The following SPECC1 variants were observed in gnomAD, a reference collection of about 807,000 sequenced individuals.
SPECC1 encodes sperm antigen with calponin homology and coiled-coil domains 1.
SPECC1 carries 62 observed loss-of-function variants against 104.1 expected under a neutral mutation model. That is an observed-to-expected ratio of 0.60 (90% confidence interval 0.49 to 0.74). SPECC1 has a LOEUF of 0.74. Among genes scored for constraint, SPECC1 ranks in the 30% least tolerant of loss-of-function variants. The pLI, the probability that SPECC1 is intolerant of heterozygous loss-of-function variation, is 0.00. For missense variants in SPECC1, 1,306 were observed against 1,310.5 expected, an observed-to-expected ratio of 1.00 and a Z score of 0.05; for synonymous variants, 513 against 501.6, an observed-to-expected ratio of 1.02 and a Z score of -0.30.
chr17:20,161,294 G>A (rs939778199), intron 3 of SPECC1, among the ~76,000 whole-genome samples: 3 of 152,152 alleles, frequency 2.0e-5, no homozygotes, highest in African/African-American at 7.2e-5. Context: ...TAGTGTCCTA[G>A]GCTTCGTCAC....
intron 3 of SPECC1, among the ~76,000 whole-genome samples, chr17:20,134,430 C>T (rs898944973): frequency 4.6e-5 from 7 of 151,842 alleles, no homozygotes; most frequent in Non-Finnish European, 8.8e-5. Flanking sequence ...TTTCACTGCC[C>T]CATACTCAGC....
At chr17:20,111,809 G>A (rs56266311) in intron 3 of SPECC1, 10 of 699,864 alleles carry the variant, frequency 1.4e-5, no homozygotes, top group African/African-American at 4.1e-5. Flanking sequence ...CAGGACCCAG[G>A]GGGGGGGCAG....
intron 1 of SPECC1, among the ~76,000 whole-genome samples, chr17:20,033,703 C>G (rs1567803834): frequency 6.6e-6 from 1 of 152,122 alleles, no homozygotes; most frequent in African/African-American, 2.4e-5. Flanking sequence ...AAGAATGGCA[C>G]CAAACCATTC....
intron 3 of SPECC1, among the ~76,000 whole-genome samples, chr17:20,197,553 C>T (rs939094084): frequency 1.6e-4 from 25 of 152,186 alleles, no homozygotes; most frequent in Non-Finnish European, 2.9e-5. Flanking sequence ...TAATTTTGAG[C>T]TTGCAAAGGC....
Position 20,249,548 on chromosome 17 carries a change from C to A in SPECC1, c.2598+2229C>A, listed in dbSNP as rs865800971. Among the ~76,000 whole-genome samples, 6 of 151,954 alleles carry A rather than the reference C, an allele frequency of 3.9e-5. No homozygotes were observed. The South Asian group carries it at 1.2e-3, about 31-fold the overall frequency. Reference sequence around the variant, plus strand: ...AGATATTGATATTATTAGACATAGACCCTAAAACAACTGAGATTAATGCTG... The same window carrying A: ...AGATATTGATATTATTAGACATAGAACCTAAAACAACTGAGATTAATGCTG... On this transcript the variant is annotated intron_variant, in intron 9 of 14. Coordinates refer to ENST00000395527, the MANE Select transcript of SPECC1 (RefSeq NM_001243439.2).
chr17:20,246,214 C>T, intron 8 of SPECC1, 143 bp downstream of exon 8: 1 of 940,482 alleles, frequency 1.1e-6, no homozygotes, highest in Non-Finnish European at 1.6e-6. Flanking sequence ...CGTGCAGCCA[C>T]TGCATGCAGG....
At chr17:20,186,069 C>T (rs1444843678) in intron 3 of SPECC1, among the ~76,000 whole-genome samples, 1 of 152,154 alleles carries the variant, frequency 6.6e-6, no homozygotes, top group Non-Finnish European at 1.5e-5. Flanking sequence ...AACTCCTGAC[C>T]TCAGGTGATC....
chr17:20,143,042 T>C (rs867810820), intron 3 of SPECC1, among the ~76,000 whole-genome samples: 38 of 151,886 alleles, frequency 2.5e-4, no homozygotes, highest in African/African-American at 9.2e-4. Flanking sequence ...ATGTTACATA[T>C]ATTTTACCAC....
At chr17:20,081,937 G>A (rs539676643) in intron 1 of SPECC1, among the ~76,000 whole-genome samples, 8 of 152,234 alleles carry the variant, frequency 5.3e-5, no homozygotes, top group East Asian at 1.9e-4. Context: ...CTGGCTGGCC[G>A]TTCAGACTCC....
intron 12 of SPECC1, among the ~76,000 whole-genome samples, chr17:20,276,224 C>T (rs1196107129): frequency 1.3e-5 from 2 of 152,092 alleles, no homozygotes; most frequent in African/African-American, 4.8e-5. Flanking sequence ...TCAAGCAATC[C>T]TCTTTTCTTA....
In SPECC1 at chr17:20,257,583, C is replaced by T. The variant is rs1326484428; in HGVS notation, c.2813C>T (p.Ala938Val). 6.2e-7 allele frequency: 1 copy of T among 1,612,532 alleles called. No individual in the cohort carries two copies. Among genetic ancestry groups the T allele is most frequent in the African/African-American group, 1.3e-5 (1 of 74,718 alleles). The change falls in exon 11 of 15, where the codon GCA becomes GTA. Residue 938 changes from alanine (A) to valine (V), a missense_variant. By Grantham distance (64) the Ala-to-Val change is moderately conservative (BLOSUM62 0). Transcript: ENST00000395527. ...DTRLLSASTRAWKPQSKLSVE... is the reference protein window; with the variant it reads ...DTRLLSASTRVWKPQSKLSVE... The stretch of plus-strand genomic sequence containing the variant: ...AGACTGCTGAGTGCTTCCACCCGGG[C>T]ATGGAAACCACAAAGCAAACTCAGG...
intron 3 of SPECC1, chr17:20,112,869 T>C: frequency 6.3e-7 from 1 of 1,589,844 alleles, no homozygotes; most frequent in South Asian, 1.1e-5. Context: ...GGAACTGATT[T>C]AGAGAATTGT....
At chr17:20,312,588 A>G (rs1374476896) in intron 14 of SPECC1, among the ~76,000 whole-genome samples, 1 of 152,152 alleles carries the variant, frequency 6.6e-6, no homozygotes, top group Non-Finnish European at 1.5e-5. Flanking sequence ...CCAATTCTTC[A>G]TCAGTTCCTT....
chr17:20,205,287 A>C lies in SPECC1; in HGVS notation c.1238A>C (p.Glu413Ala). The change falls in exon 4 of 15, where the codon GAG becomes GCG. Residue 413 changes from glutamate to alanine, a missense_variant. Transcript: ENST00000395527. ...GTACAGGAATTGACAGCTGAAAATG[A>C]GAAGCTGGTGGATGAAAAGACGATT... ...QMVQELTAEN[E>A]KLVDEKTILE... is the part of the protein sequence containing the mutation. 1 of 1,614,258 alleles carries C rather than the reference A, an allele frequency of 6.2e-7. No homozygotes were observed. Among genetic ancestry groups the C allele is most frequent in the East Asian group, 2.2e-5 (1 of 44,884 alleles).
rs943012350 is a variant in SPECC1, at chr17:20,284,343, A to G, written c.2941-12618A>G. Reference sequence around the variant, plus strand: ...CATTTTATGGAATGGGGCATCAGAAAGGAGGATGCTGTGAAGATAGGGGGC... The same window carrying G: ...CATTTTATGGAATGGGGCATCAGAAGGGAGGATGCTGTGAAGATAGGGGGC... On this transcript the variant is annotated intron_variant, in intron 12 of 14. Transcript: ENST00000395527. Among the ~76,000 whole-genome samples the G allele has an allele frequency of 3.3e-5, 5 of 152,254 alleles. No individual in the cohort carries two copies. In the East Asian group the frequency reaches 7.7e-4, roughly 23 times the overall value.
rs996588482 is a variant in SPECC1, at chr17:20,031,703, C to A, written c.-22+22279C>A. On this transcript the variant is annotated intron_variant, in intron 1 of 14. Transcript: ENST00000395527. ...CCCTTGGCAACCACTGTTTTACTTTCTATCTCTGAATTTGACTACCCTAGG... is the reference window on the plus strand; with the variant it reads ...CCCTTGGCAACCACTGTTTTACTTTATATCTCTGAATTTGACTACCCTAGG... Among the ~76,000 whole-genome samples the A allele has an allele frequency of 2.0e-5, 3 of 152,210 alleles. No homozygotes were observed. The East Asian group carries it at 5.8e-4, about 29-fold the overall frequency.
At chr17:20,062,844 A>G (rs1473183965) in intron 1 of SPECC1, among the ~76,000 whole-genome samples, 1 of 151,920 alleles carries the variant, frequency 6.6e-6, no homozygotes, top group Admixed American at 6.6e-5. Flanking sequence ...GCACGCTACC[A>G]TCTCGGCTAA....
At chr17:20,028,760 ATT>A (rs71157855) in intron 1 of SPECC1, among the ~76,000 whole-genome samples, 3,084 of 128,228 alleles carry the variant, frequency 0.024, 65 homozygotes, top group East Asian at 0.079. Context: ...GTCATCTGGG[ATT>A]TTTTTTTTTT....
chr17:20,258,736 C>T (rs979044711), intron 11 of SPECC1, among the ~76,000 whole-genome samples: 20 of 152,228 alleles, frequency 1.3e-4, no homozygotes, highest in African/African-American at 4.3e-4. Flanking sequence ...TTTCTCCTTT[C>T]ATACTCCAAA....
Sources: allele counts gnomAD v4.1 joint callset (sites outside exome capture counted in the v4.1 genomes callset), GRCh38; gene constraint gnomAD v4.1.1; transcripts MANE v1.5; gene names NCBI Gene and HGNC (gene_info 2026-07-23, HGNC 2026-07-21).